DLG2: variants seen among roughly 807,000 people sequenced by gnomAD.
DLG2 encodes the protein discs large MAGUK scaffold protein 2.
A neutral mutation model predicts 132.5 loss-of-function variants in DLG2; 45 were observed. The observed-to-expected ratio is 0.34, with a 90% confidence interval of 0.27 to 0.44. DLG2 has a LOEUF of 0.44. Ranked by LOEUF, DLG2 falls within the 20% of genes least tolerant of loss-of-function variation. The pLI, the probability that DLG2 is intolerant of heterozygous loss-of-function variation, is 1.00. For missense variants in DLG2, 1,045 were observed against 1,196.9 expected (o/e 0.87, Z 1.87); for synonymous variants, 424 against 419.6 (o/e 1.01, Z -0.13).
At chr11:83,899,353 T>C (rs2072740941) in intron 15 of DLG2, among the ~76,000 whole-genome samples, 1 of 152,194 alleles carries the variant, frequency 6.6e-6, no homozygotes, top group Non-Finnish European at 1.5e-5. Context: ...TCATGTAGGA[T>C]TTATCCCTCT....
intron 18 of DLG2, among the ~76,000 whole-genome samples, chr11:83,744,218 T>A (rs76123315): frequency 6.6e-6 from 1 of 152,312 alleles, no homozygotes; most frequent in African/African-American, 2.4e-5. Context: ...TGCAGTGTGT[T>A]CTTGACTTTG....
At chr11:85,334,908 G>A (rs1030472474) in intron 3 of DLG2, among the ~76,000 whole-genome samples, 1 of 152,102 alleles carries the variant, frequency 6.6e-6, no homozygotes, top group East Asian at 1.9e-4. Context: ...TGTTGTTGTT[G>A]GGTAGAGTAT....
intron 3 of DLG2, among the ~76,000 whole-genome samples, chr11:85,356,941 C>A (rs896605618): frequency 2.9e-4 from 44 of 152,200 alleles, no homozygotes; most frequent in African/African-American, 1.0e-3. Flanking sequence ...GCTTAGGAAG[C>A]AGAATATTTT....
chr11:84,292,828 G>C (rs367682935), intron 7 of DLG2, among the ~76,000 whole-genome samples: 1 of 152,036 alleles, frequency 6.6e-6, no homozygotes, highest in African/African-American at 2.4e-5. Context: ...TCCAATCCTT[G>C]GCTTCCCTGG....
intron 6 of DLG2, among the ~76,000 whole-genome samples, chr11:84,712,665 T>C (rs550396175): frequency 6.6e-6 from 1 of 151,842 alleles, no homozygotes. Context: ...TTTAATAAAA[T>C]AGAAAAAAAA....
intron 6 of DLG2, among the ~76,000 whole-genome samples, chr11:84,782,413 T>C (rs1248836963): frequency 2.0e-5 from 3 of 150,284 alleles, no homozygotes; most frequent in African/African-American, 7.4e-5. Context: ...CATACACACA[T>C]TCTCTTTCCC....
At chr11:84,426,875 G>C (rs907822991) in intron 7 of DLG2, among the ~76,000 whole-genome samples, 1 of 152,122 alleles carries the variant, frequency 6.6e-6, no homozygotes, top group African/African-American at 2.4e-5. Flanking sequence ...TTTTGAAAGA[G>C]AGAATGTATG....
intron 6 of DLG2, among the ~76,000 whole-genome samples, chr11:84,863,467 T>C (rs2154031133): frequency 6.6e-6 from 1 of 152,336 alleles, no homozygotes. Flanking sequence ...GGAAACCATC[T>C]ATATTGATAA....
At chr11:85,035,067 T>C (rs748243299) in intron 6 of DLG2, among the ~76,000 whole-genome samples, 1 of 152,210 alleles carries the variant, frequency 6.6e-6, no homozygotes, top group Non-Finnish European at 1.5e-5. Context: ...GTTTGTAATA[T>C]TGGAATTTCT....
chr11:85,191,132 G>A, intron 4 of DLG2, among the ~76,000 whole-genome samples: 1 of 150,506 alleles, frequency 6.6e-6, no homozygotes, highest in Admixed American at 6.6e-5. Flanking sequence ...GAAATCATTT[G>A]TCTATATGCA....
At chr11:83,802,058 G>T (rs2153941839) in intron 17 of DLG2, among the ~76,000 whole-genome samples, 1 of 151,966 alleles carries the variant, frequency 6.6e-6, no homozygotes, top group South Asian at 2.1e-4. Flanking sequence ...TTGAGGGTGA[G>T]GCCCAAGACT....
At chr11:85,324,241 T>A (rs1034537150) in intron 3 of DLG2, among the ~76,000 whole-genome samples, 3 of 152,162 alleles carry the variant, frequency 2.0e-5, no homozygotes, top group African/African-American at 7.2e-5. Context: ...TAGCTTCTAC[T>A]TGTATTTTTT....
intron 15 of DLG2, among the ~76,000 whole-genome samples, chr11:83,906,245 TCTCTCTCTCTCTCACACACA>T (rs1449852621): frequency 1.2e-4 from 14 of 117,144 alleles, no homozygotes; most frequent in Non-Finnish European, 1.0e-4. Context: ...TCTCTCTCTC[TCTCTCTCTCTCTCACACACA>T]CACACACACA....
At chr11:85,469,519 C>T (rs989159916) in intron 3 of DLG2, 16 of 152,208 alleles carry the variant, frequency 1.1e-4, no homozygotes, top group African/African-American at 3.6e-4. Context: ...CACCAAACTA[C>T]TCTGGTATGA....
At chr11:83,508,511 G>C (rs1021549111) in intron 21 of DLG2, among the ~76,000 whole-genome samples, 44 of 149,218 alleles carry the variant, frequency 2.9e-4, no homozygotes, top group Non-Finnish European at 1.2e-4. Flanking sequence ...CCAAAGTGCT[G>C]GGATTACAGG....
intron 7 of DLG2, among the ~76,000 whole-genome samples, chr11:84,365,072 G>T (rs1324515521): frequency 6.6e-6 from 1 of 152,108 alleles, no homozygotes; most frequent in Admixed American, 6.5e-5. Context: ...GATTGGAATA[G>T]TTTCAGAAGG....
At chr11:84,322,749 C>T (rs2098411640) in intron 7 of DLG2, among the ~76,000 whole-genome samples, 1 of 151,978 alleles carries the variant, frequency 6.6e-6, no homozygotes, top group Non-Finnish European at 1.5e-5. Flanking sequence ...ACCACTACAC[C>T]CAGCTAATTT....
At chr11:83,575,323 A>C (rs2096857247) in intron 19 of DLG2, among the ~76,000 whole-genome samples, 1 of 152,176 alleles carries the variant, frequency 6.6e-6, no homozygotes, top group African/African-American at 2.4e-5. Context: ...GCCTTGACAG[A>C]GTCTCGAGGC....
chr11:84,870,958 T>C (rs1432929834), intron 6 of DLG2, among the ~76,000 whole-genome samples: 1 of 152,244 alleles, frequency 6.6e-6, no homozygotes, highest in Non-Finnish European at 1.5e-5. Flanking sequence ...AGGTTCATTA[T>C]ATTTATTATT....
Sources: gnomAD v4.1 joint callset for allele counts (sites outside exome capture counted in the v4.1 genomes callset) on GRCh38, gnomAD v4.1.1 for gene constraint, MANE v1.5 for transcripts, NCBI Gene and HGNC (gene_info 2026-07-23, HGNC 2026-07-21) for gene names.